WWOX: variants seen among roughly 807,000 people sequenced by gnomAD.
WWOX encodes the protein WW domain containing oxidoreductase.
WWOX carries 69 observed loss-of-function variants against 46.2 expected under a neutral mutation model. The observed-to-expected ratio is 1.49, with a 90% CI of 1.23 to 1.82. WWOX has a LOEUF of 1.82. Among genes scored for constraint, WWOX ranks in the 40% most tolerant of loss-of-function variants. The probability of loss-of-function intolerance (pLI) is 0.00; values close to 1 mark genes in which losing one functional copy is unlikely to be tolerated. For synonymous variants in WWOX, 359 were observed against 202.6 expected (o/e 1.77, Z -6.56); for missense variants, 919 against 542.6 (o/e 1.69, Z -6.89).
intron 6 of WWOX, among the ~76,000 whole-genome samples, chr16:78,406,935 T>C (rs1046699889): frequency 6.6e-6 from 1 of 152,142 alleles, no homozygotes; most frequent in Admixed American, 6.6e-5. Flanking sequence ...CGGATAGAAA[T>C]AATTTTTATA....
intron 8 of WWOX, among the ~76,000 whole-genome samples, chr16:78,463,816 TG>T (rs944983250): frequency 1.9e-4 from 29 of 152,196 alleles, no homozygotes; most frequent in Non-Finnish European, 5.9e-5. Flanking sequence ...AAGTGTTTTA[TG>T]AGGGAGTTTT....
At chr16:79,114,929 G>A (rs1161843738) in intron 8 of WWOX, among the ~76,000 whole-genome samples, 1 of 152,210 alleles carries the variant, frequency 6.6e-6, no homozygotes, top group Non-Finnish European at 1.5e-5. Context: ...AGCCGGGGCT[G>A]CAGACTAAAT....
At chr16:78,750,740 CG>C (rs1456582900) in intron 8 of WWOX, among the ~76,000 whole-genome samples, 1 of 152,078 alleles carries the variant, frequency 6.6e-6, no homozygotes, top group African/African-American at 2.4e-5. Flanking sequence ...TAAGAACATG[CG>C]GTATTTGGTT....
At chr16:79,095,926 T>G (rs1473760832) in intron 8 of WWOX, among the ~76,000 whole-genome samples, 2 of 147,538 alleles carry the variant, frequency 1.4e-5, no homozygotes, top group Non-Finnish European at 3.0e-5. Context: ...TCTAGCTCAC[T>G]GCAACCTCTG....
chr16:78,272,833 G>A (rs896059468), intron 5 of WWOX, among the ~76,000 whole-genome samples: 16 of 152,064 alleles, frequency 1.1e-4, no homozygotes, highest in African/African-American at 3.9e-4. Context: ...AATCAGAAAG[G>A]ACTCATCGGT....
chr16:78,579,094 T>A (rs984152710), intron 8 of WWOX, among the ~76,000 whole-genome samples: 1 of 152,220 alleles, frequency 6.6e-6, no homozygotes, highest in Non-Finnish European at 1.5e-5. Context: ...TCATGTTTGG[T>A]CTCTCGTCTT....
At chr16:78,569,409 C>T (rs1022841082) in intron 8 of WWOX, among the ~76,000 whole-genome samples, 10 of 152,140 alleles carry the variant, frequency 6.6e-5, no homozygotes, top group African/African-American at 1.2e-4. Context: ...TTATACATTT[C>T]AGTTGGTCAA....
chr16:78,422,529 T>G (rs2082956528), intron 6 of WWOX, among the ~76,000 whole-genome samples: 1 of 150,118 alleles, frequency 6.7e-6, no homozygotes, highest in Non-Finnish European at 1.5e-5. Flanking sequence ...GTGGTTGTTG[T>G]TGAGATGGGG....
chr16:78,639,721 GC>G (rs2046658096), intron 8 of WWOX, among the ~76,000 whole-genome samples: 1 of 151,958 alleles, frequency 6.6e-6, no homozygotes. Flanking sequence ...CCGCCACCAC[GC>G]CCAGCTAATT....
chr16:78,107,191 G>A (rs889697261), intron 1 of WWOX, among the ~76,000 whole-genome samples: 4 of 152,126 alleles, frequency 2.6e-5, no homozygotes, highest in Admixed American at 1.3e-4. Flanking sequence ...TTTAGGAAAC[G>A]CAGCCTACCC....
intron 8 of WWOX, among the ~76,000 whole-genome samples, chr16:78,434,652 A>G (rs2083297027): frequency 6.6e-6 from 1 of 152,190 alleles, no homozygotes. Flanking sequence ...ATGTGTTTTA[A>G]GGAGCTCGGT....
chr16:78,542,218 A>G (rs575971045), intron 8 of WWOX, among the ~76,000 whole-genome samples: 1 of 152,088 alleles, frequency 6.6e-6, no homozygotes, highest in South Asian at 2.1e-4. Context: ...CTCCGTAAAC[A>G]CTGCCGGATG....
chr16:78,921,997 A>G (rs761514557), intron 8 of WWOX, among the ~76,000 whole-genome samples: 4 of 152,218 alleles, frequency 2.6e-5, no homozygotes, highest in East Asian at 1.9e-4. Flanking sequence ...TGAAGCTTCT[A>G]TTGTCCTCTA....
intron 8 of WWOX, among the ~76,000 whole-genome samples, chr16:78,457,137 C>G (rs557120008): frequency 6.6e-6 from 1 of 152,194 alleles, no homozygotes; most frequent in Admixed American, 6.5e-5. Flanking sequence ...TCTCTCTGAT[C>G]GTGTCTGTGT....
chr16:78,962,330 A>ATTT (rs1597210866), intron 8 of WWOX, among the ~76,000 whole-genome samples: 61 of 37,332 alleles, frequency 1.6e-3, no homozygotes, highest in African/African-American at 7.2e-3. Flanking sequence ...TTTTTTTAAA[A>ATTT]AAAAAAAAAA....
chr16:78,651,880 G>C (rs1295636507), intron 8 of WWOX, among the ~76,000 whole-genome samples: 1 of 152,174 alleles, frequency 6.6e-6, no homozygotes, highest in African/African-American at 2.4e-5. Flanking sequence ...AGAATGGGGA[G>C]TATTGCTAGC....
At chr16:78,949,175 G>A (rs1376657779) in intron 8 of WWOX, among the ~76,000 whole-genome samples, 2 of 152,094 alleles carry the variant, frequency 1.3e-5, no homozygotes, top group African/African-American at 4.8e-5. Context: ...TTCTTTCCTG[G>A]AGCCTCCAAA....
chr16:79,105,966 C>G (rs1198786083), intron 8 of WWOX: 1 of 152,262 alleles, frequency 6.6e-6, no homozygotes, highest in African/African-American at 2.4e-5. Context: ...AGCCACTGCA[C>G]TGGGCCAGGA....
At chr16:78,426,942 G>A (rs1042548242) in intron 7 of WWOX, among the ~76,000 whole-genome samples, 1 of 152,196 alleles carries the variant, frequency 6.6e-6, no homozygotes, top group African/African-American at 2.4e-5. Context: ...GATTACAGGC[G>A]TGAGCCACCA....
Sources: allele counts gnomAD v4.1 joint callset (sites outside exome capture counted in the v4.1 genomes callset), GRCh38; gene constraint gnomAD v4.1.1; transcripts MANE v1.5; gene names NCBI Gene and HGNC (gene_info 2026-07-23, HGNC 2026-07-21).